The following ITCH variants were observed in gnomAD, a reference collection of about 807,000 sequenced individuals.
The protein encoded by ITCH is E3 ubiquitin-protein ligase Itchy homolog.
In ITCH, 28 loss-of-function variants were observed where a neutral mutation model predicts 126.8. The ratio of observed to expected loss-of-function variants is 0.22; its 90% CI spans 0.16 to 0.30. The LOEUF (loss-of-function observed/expected upper bound fraction) is 0.30, where lower values mean the gene tolerates loss of function less well. Ranked by LOEUF, ITCH falls within the 10% of genes least tolerant of loss-of-function variation. ITCH has a pLI of 1.00. For missense variants in ITCH, 631 were observed against 1,032.4 expected (o/e 0.61, Z 5.33); for synonymous variants, 342 against 340.0 (o/e 1.01, Z -0.06).
chr20:34,460,904 C>G (rs1466099694), intron 13 of ITCH, among the ~76,000 whole-genome samples: 1 of 152,062 alleles, frequency 6.6e-6, no homozygotes, highest in Non-Finnish European at 1.5e-5. Context: ...AACTGTAGTC[C>G]TAGCTACTAG....
At chr20:34,428,791 G>T (rs1981899761) in intron 7 of ITCH, among the ~76,000 whole-genome samples, 1 of 152,028 alleles carries the variant, frequency 6.6e-6, no homozygotes, top group Non-Finnish European at 1.5e-5. Context: ...CATTTTGGTT[G>T]TCTGAGGTTC....
chr20:34,417,525 G>A (rs924293145), intron 6 of ITCH, among the ~76,000 whole-genome samples: 16 of 150,988 alleles, frequency 1.1e-4, no homozygotes, highest in African/African-American at 3.7e-4. Context: ...TCAGCCTCCC[G>A]AGTAGCTGGG....
chr20:34,412,870 T>A (rs751408394), intron 5 of ITCH, among the ~76,000 whole-genome samples: 17 of 152,120 alleles, frequency 1.1e-4, no homozygotes, highest in Non-Finnish European at 2.4e-4. Flanking sequence ...ACTTAGTAAA[T>A]AGATATTAGT....
In ITCH at chr20:34,508,132, A is replaced by G; in HGVS notation, c.*338A>G. On this transcript the variant is annotated 3_prime_UTR_variant, in exon 25 of 25. Transcript: ENST00000374864. ...GGAGTAGTGTTTTTTTCTTTTAGACATTCTGCAGACATGCAGGGAAGTCCT... is the reference window on the plus strand; with the variant it reads ...GGAGTAGTGTTTTTTTCTTTTAGACGTTCTGCAGACATGCAGGGAAGTCCT... The G allele has an allele frequency of 3.1e-6, 1 of 321,260 alleles. No homozygotes were observed. The highest frequency in any genetic ancestry group is 6.1e-6 in the Non-Finnish European group (1 of 164,656). 19.9% of individuals were successfully genotyped at this position (321,260 alleles called of 1,614,324 possible).
intron 7 of ITCH, among the ~76,000 whole-genome samples, chr20:34,433,747 T>C (rs1982643259): frequency 6.6e-6 from 1 of 151,430 alleles, no homozygotes; most frequent in African/African-American, 2.4e-5. Context: ...TCATTCAAAA[T>C]GATTTTCAGT....
intron 3 of ITCH, among the ~76,000 whole-genome samples, chr20:34,395,099 G>C (rs1434829039): frequency 6.6e-6 from 1 of 151,754 alleles, no homozygotes; most frequent in African/African-American, 2.4e-5. Flanking sequence ...TGTGCGTGGC[G>C]GTGCACACCT....
At chr20:34,459,158 A>C (rs1330248352) in intron 13 of ITCH, among the ~76,000 whole-genome samples, 1 of 152,224 alleles carries the variant, frequency 6.6e-6, no homozygotes, top group East Asian at 1.9e-4. Context: ...TACTAGAAGT[A>C]CTGAGAACTC....
intron 13 of ITCH, among the ~76,000 whole-genome samples, chr20:34,461,177 G>A (rs1474309610): frequency 6.6e-6 from 1 of 152,190 alleles, no homozygotes; most frequent in African/African-American, 2.4e-5. Context: ...TCATGAAAGG[G>A]AGTTAGAGGT....
chr20:34,394,699 G>A (rs1206347526), intron 3 of ITCH, among the ~76,000 whole-genome samples: 1 of 152,152 alleles, frequency 6.6e-6, no homozygotes, highest in Non-Finnish European at 1.5e-5. Flanking sequence ...ATGGGTAGGG[G>A]TGGGATGGAT....
intron 12 of ITCH, among the ~76,000 whole-genome samples, chr20:34,451,435 G>A (rs1437449044): frequency 1.3e-5 from 2 of 152,094 alleles, no homozygotes; most frequent in African/African-American, 2.4e-5. Context: ...ACTCCAGCCC[G>A]GGTGAGAGAG....
At chr20:34,364,890 C>CA (rs1234445956) in intron 1 of ITCH, among the ~76,000 whole-genome samples, 13,583 of 42,230 alleles carry the variant, frequency 0.32, 2,418 homozygotes, top group African/African-American at 0.53. Flanking sequence ...GACTCCGCCT[C>CA]AAAAAAAAAA....
In ITCH at chr20:34,511,130, T is replaced by G. The variant is rs1978761671; in HGVS notation, c.*3336T>G. ...GTATTGTTGGTATCTCCAGCCCCCC[T>G]CCTTTTTTTGTTTTTCTTTTAGTTA... On this transcript the variant is annotated 3_prime_UTR_variant, in exon 25 of 25. Transcript: ENST00000374864. The G allele has an allele frequency of 6.6e-6, 1 of 152,208 alleles. No homozygotes were observed. Among genetic ancestry groups the G allele is most frequent in the East Asian group, 1.9e-4 (1 of 5,206 alleles). The allele number at this position is 152,208 out of a possible 1,614,324, so 9.4% of individuals were successfully genotyped here.
At chr20:34,461,979 C>A (rs868537425) in intron 13 of ITCH, 114 bp from the exon 14 acceptor site, 3 of 1,029,736 alleles carry the variant, frequency 2.9e-6, no homozygotes, top group South Asian at 1.4e-5. Flanking sequence ...AATTACTGAA[C>A]TGAATGGTTT....
At position 34,461,948 on chromosome 20, in the gene ITCH, G is replaced by C. The variant is rs976179932; in HGVS notation, c.1296-145G>C. The C allele has an allele frequency of 5.5e-6, 4 of 725,130 alleles. No individual in the cohort carries two copies. In the Admixed American group the frequency reaches 9.8e-5, roughly 18 times the overall value. The allele number at this position is 725,130 out of a possible 1,614,324, so 44.9% of individuals were successfully genotyped here. On this transcript the variant is annotated intron_variant, in intron 13 of 24. Transcript: ENST00000374864. ...AACCTGTTTGTAGGATGTCCACATA[G>C]AGATGTCTAGTATACAACTGAATTA...
intron 15 of ITCH, among the ~76,000 whole-genome samples, chr20:34,471,044 AT>A (rs776954483): frequency 6.6e-6 from 1 of 152,132 alleles, no homozygotes; most frequent in Non-Finnish European, 1.5e-5. Context: ...GGAATTAATG[AT>A]TTTTTATGGG....
intron 3 of ITCH, among the ~76,000 whole-genome samples, chr20:34,396,183 A>G (rs979611380): frequency 6.6e-6 from 1 of 151,720 alleles, no homozygotes; most frequent in Non-Finnish European, 1.5e-5. Flanking sequence ...ACCGGCACGC[A>G]CAACCATGTG....
At chr20:34,495,293 A>AT in intron 23 of ITCH, among the ~76,000 whole-genome samples, 1 of 68,102 alleles carries the variant, frequency 1.5e-5, no homozygotes, top group Non-Finnish European at 3.4e-5. Context: ...TAAATAAATA[A>AT]AATATATATA....
At chr20:34,485,241 A>G (rs1989022859) in intron 20 of ITCH, among the ~76,000 whole-genome samples, 1 of 152,206 alleles carries the variant, frequency 6.6e-6, no homozygotes, top group Non-Finnish European at 1.5e-5. Context: ...TTTTATGAGT[A>G]AAGCTGCTAT....
intron 3 of ITCH, among the ~76,000 whole-genome samples, chr20:34,400,512 A>G (rs2038837380): frequency 6.6e-6 from 1 of 152,086 alleles, no homozygotes; most frequent in Admixed American, 6.6e-5. Context: ...TGAGAATGGG[A>G]ATGGCTGTGT....
Sources: gnomAD v4.1 joint callset for allele counts (sites outside exome capture counted in the v4.1 genomes callset) on GRCh38, gnomAD v4.1.1 for gene constraint, MANE v1.5 for transcripts, NCBI Gene and HGNC (gene_info 2026-07-23, HGNC 2026-07-21) for gene names.